AGBL2: variants seen among roughly 807,000 people sequenced by gnomAD.
AGBL2 encodes cytosolic carboxypeptidase 2.
AGBL2 carries 87 observed loss-of-function variants against 103.0 expected under a neutral mutation model. The observed-to-expected ratio is 0.84, with a 90% CI of 0.71 to 1.01. The LOEUF is 1.01. Ranked by LOEUF, AGBL2 falls within the 50% of genes least tolerant of loss-of-function variation. The pLI is 0.00. For missense variants in AGBL2, 904 were observed against 1,023.5 expected, an observed-to-expected ratio of 0.88 and a Z score of 1.59; for synonymous variants, 335 against 356.7, an observed-to-expected ratio of 0.94 and a Z score of 0.69.
intron 4 of AGBL2, 92 bp from the exon 5 acceptor site, chr11:47,706,009 C>T (rs2097517578): frequency 9.8e-7 from 1 of 1,015,822 alleles, no homozygotes; most frequent in African/African-American, 1.6e-5. Flanking sequence ...ATTTCCTATG[C>T]TCACTCTGGA....
chr11:47,677,655 A>G (rs187146962), intron 13 of AGBL2, among the ~76,000 whole-genome samples: 2 of 152,052 alleles, frequency 1.3e-5, no homozygotes, highest in Non-Finnish European at 2.9e-5. Context: ...GTTTCACCAT[A>G]TTGGTCAGGC....
chr11:47,708,985 G>A (rs2097529413), intron 4 of AGBL2, among the ~76,000 whole-genome samples: 1 of 152,010 alleles, frequency 6.6e-6, no homozygotes, highest in South Asian at 2.1e-4. Flanking sequence ...AGCCAGGAGT[G>A]GTGGCGGGCG....
In AGBL2 at chr11:47,693,684, T is replaced by C. The variant is rs2097456552; in HGVS notation, c.695-1428A>G. On this transcript the variant is annotated intron_variant, in intron 8 of 18. Transcript: ENST00000525123. Reference sequence around the variant, plus strand: ...CGAATTTTGTACTTCTTTTTTTGTATTGGCTATTCAGGGCCCTTTACAATT... The same window carrying C: ...CGAATTTTGTACTTCTTTTTTTGTACTGGCTATTCAGGGCCCTTTACAATT... Among the ~76,000 whole-genome samples, 3 of 152,342 alleles carry C rather than the reference T, an allele frequency of 2.0e-5. No homozygotes were observed. In the South Asian group the frequency reaches 6.2e-4, roughly 32 times the overall value.
intron 5 of AGBL2, 26 bp downstream of exon 5, chr11:47,705,838 T>C (rs375837842): frequency 6.2e-7 from 1 of 1,610,064 alleles, no homozygotes; most frequent in Non-Finnish European, 8.5e-7. Context: ...AGCTTGAATC[T>C]TCTGGTCTGG....
intron 17 of AGBL2, among the ~76,000 whole-genome samples, chr11:47,664,449 T>C (rs1353389078): frequency 6.6e-6 from 1 of 151,520 alleles, no homozygotes; most frequent in Non-Finnish European, 1.5e-5. Context: ...TTTCGCTCTA[T>C]TGCCCAGGCT....
Position 47,663,076 on chromosome 11 carries a change from C to T in AGBL2, c.2485G>A (p.Asp829Asn). Residue 829 changes from aspartate to asparagine, a missense_variant, in exon 18 of 19, where the codon GAC (aspartate) becomes AAC (asparagine). Transcript: ENST00000525123. The part of the protein sequence containing the change: ...LNRRDKDTPL[D>N]PSMATLILPK... ...AGAATCAGGGTGGCCATTGATGGGT[C>T]CAGGGGGGTGTCTTTGTCTCTTCTA... 6.3e-7 allele frequency: 1 copy of T among 1,598,602 alleles called. No homozygotes were observed. Among genetic ancestry groups the T allele is most frequent in the Non-Finnish European group, 8.5e-7 (1 of 1,176,856 alleles).
chr11:47,679,507 C>G (rs1220288946), intron 13 of AGBL2, among the ~76,000 whole-genome samples: 1 of 152,078 alleles, frequency 6.6e-6, no homozygotes, highest in Non-Finnish European at 1.5e-5. Flanking sequence ...CATTTGTAGA[C>G]AGTATGCAGT....
At chr11:47,703,851 C>A (rs1038726039) in intron 7 of AGBL2, among the ~76,000 whole-genome samples, 1 of 145,634 alleles carries the variant, frequency 6.9e-6, no homozygotes, top group Non-Finnish European at 1.5e-5. Flanking sequence ...TTTGAACCTG[C>A]GAGGCGGAGG....
chr11:47,689,769 A>T (rs2153804213), intron 10 of AGBL2, among the ~76,000 whole-genome samples: 1 of 152,296 alleles, frequency 6.6e-6, no homozygotes, highest in South Asian at 2.1e-4. Flanking sequence ...TTATGATACA[A>T]GTCTCATCAT....
chr11:47,692,303 T>G (rs192569223), intron 8 of AGBL2, 47 bp from the exon 9 acceptor site: 2 of 1,550,840 alleles, frequency 1.3e-6, no homozygotes, highest in African/African-American at 2.7e-5. Flanking sequence ...CAGAATCCAC[T>G]CATTCAGCAA....
chr11:47,680,021 A>G lies in AGBL2; in HGVS notation c.1968T>C (p.Tyr656=), dbSNP rs780270632. 1 of 1,613,294 alleles carries G rather than the reference A, an allele frequency of 6.2e-7. No individual in the cohort carries two copies. The highest frequency in any genetic ancestry group is 8.5e-7 in the Non-Finnish European group (1 of 1,179,478). The change falls in exon 13 of 19, where the codon TAT becomes TAC. Residue 656 remains tyrosine, a synonymous_variant. Transcript: ENST00000525123. ...AGTCCAGAAGGGTGTCACAGACATG[A>G]TAACCTAAGGACTTCAGATCTTCGA... ...FTIEDLKSLG[Y]HVCDTLLDFC...
chr11:47,660,273 C>A lies in AGBL2; in HGVS notation c.2609G>T (p.Gly870Val). ...GCTCCTAGGCCAGTTTGGCTTCATA[C>A]CTGGAGCTGGCTCTTGGCTGGAGTT... is the stretch of plus-strand genomic sequence containing the variant. ...TINSSQEPAP[G>V]MKPNWPRSRY... Residue 870 changes from glycine to valine, a missense_variant, in exon 19 of 19, where the codon GGT (glycine) becomes GTT (valine). Gly to Val is a moderately radical substitution (Grantham distance 109). Transcript: ENST00000525123. The A allele has an allele frequency of 6.2e-7, 1 of 1,614,228 alleles. No individual in the cohort carries two copies.
In AGBL2 at chr11:47,660,259, A is replaced by C. The variant is rs751278901; in HGVS notation, c.2623T>G (p.Trp875Gly). 21 of 1,614,206 alleles carry C rather than the reference A, an allele frequency of 1.3e-5. No homozygotes were observed. The East Asian group carries it at 4.5e-4, about 34-fold the overall frequency. ...QEPAPGMKPN[W>G]PRSRYPATKR... ...GTGGCAGGATATCTGCTCCTAGGCCAGTTTGGCTTCATACCTGGAGCTGGC... is the reference window on the plus strand; with the variant it reads ...GTGGCAGGATATCTGCTCCTAGGCCCGTTTGGCTTCATACCTGGAGCTGGC... Residue 875 changes from tryptophan (W) to glycine (G), a missense_variant, in exon 19 of 19, where the codon TGG (tryptophan) becomes GGG (glycine). Trp to Gly is a radical substitution (Grantham distance 184). Coordinates refer to ENST00000525123, the MANE Select transcript of AGBL2 (RefSeq NM_024783.4).
intron 7 of AGBL2, among the ~76,000 whole-genome samples, chr11:47,703,352 GT>G (rs1436546523): frequency 6.6e-6 from 1 of 152,128 alleles, no homozygotes; most frequent in Non-Finnish European, 1.5e-5. Flanking sequence ...ACAGATTTCA[GT>G]ATTTATATAT....
intron 17 of AGBL2, among the ~76,000 whole-genome samples, chr11:47,663,979 C>T (rs1484189968): frequency 6.6e-6 from 1 of 152,102 alleles, no homozygotes; most frequent in African/African-American, 2.4e-5. Flanking sequence ...CTCAGACTCC[C>T]CAGTAGCTGG....
chr11:47,707,767 G>C (rs1462483049), intron 4 of AGBL2, among the ~76,000 whole-genome samples: 1 of 151,996 alleles, frequency 6.6e-6, no homozygotes, highest in Non-Finnish European at 1.5e-5. Flanking sequence ...TTAAAATTTT[G>C]CCCAAATCTC....
Position 47,666,406 on chromosome 11 carries a change from G to GA in AGBL2, c.2448+549dup, listed in dbSNP as rs537818430. The stretch of plus-strand genomic sequence containing the variant: ...GACTCCATCTCAAAAAAAAAAAAAA[G>GA]AAAAAAAATCAAAGATTTTATAGCC... On this transcript the variant is annotated intron_variant, in intron 17 of 18. Coordinates refer to ENST00000525123, the MANE Select transcript of AGBL2 (RefSeq NM_024783.4). 5.5e-3 allele frequency among the ~76,000 whole-genome samples: 772 copies of GA among 141,260 alleles called. 8 individuals carry two copies. Among genetic ancestry groups the GA allele is most frequent in the Non-Finnish European group, 8.4e-3 (532 of 63,252 alleles). 92.7% of individuals were successfully genotyped at this position (141,260 alleles called of 152,430 possible). A position where few individuals can be genotyped will look rare whatever the true frequency, so the allele number is the denominator to read the frequency against.
Position 47,682,930 on chromosome 11 carries a change from T to C in AGBL2, c.1789-835A>G, listed in dbSNP as rs138097068. ...TGCTTCAATTAGTTTGTTTTAGATA[T>C]GGGTTCTGGGTGTGATTTCCTGAAA... On this transcript the variant is annotated intron_variant, in intron 11 of 18. Coordinates refer to ENST00000525123, the MANE Select transcript of AGBL2 (RefSeq NM_024783.4). Among the ~76,000 whole-genome samples the C allele has an allele frequency of 5.5e-3, 826 of 150,258 alleles. 9 individuals carry two copies. The highest frequency in any genetic ancestry group is 0.018 in the African/African-American group (747 of 40,748).
Position 47,690,590 on chromosome 11 carries a change from G to T in AGBL2, c.1117C>A (p.Pro373Thr). The T allele has an allele frequency of 6.2e-7, 1 of 1,614,186 alleles. No individual in the cohort carries two copies. The highest frequency in any genetic ancestry group is 8.5e-7 in the Non-Finnish European group (1 of 1,180,040). The change falls in exon 10 of 19, where the codon CCC becomes ACC. Residue 373 changes from proline (P) to threonine (T), a missense_variant. By Grantham distance (38) the Pro-to-Thr change is conservative. Coordinates refer to ENST00000525123, the MANE Select transcript of AGBL2 (RefSeq NM_024783.4). ...ATGGTCCACGTGAGACAGTAGAAGG[G>T]CTGCTGCCCATCATCCGTGTTGTTC... ...YKNNTDDGQQ[P>T]FYCLTWTIQF...
Sources: gnomAD v4.1 joint callset for allele counts (sites outside exome capture counted in the v4.1 genomes callset) on GRCh38, gnomAD v4.1.1 for gene constraint, MANE v1.5 for transcripts, NCBI Gene and HGNC (gene_info 2026-07-23, HGNC 2026-07-21) for gene names.